Variants in COP1 observed in about 807,000 individuals in gnomAD.
The protein encoded by COP1 is COP1 E3 ubiquitin ligase.
A neutral mutation model predicts 101.3 loss-of-function variants in COP1; 24 were observed. The observed-to-expected ratio is 0.24, with a 90% CI of 0.17 to 0.33. COP1 has a LOEUF of 0.33. COP1 is among the 10% of genes least tolerant of loss of function. The pLI is 1.00. For missense variants in COP1, 663 were observed against 906.2 expected (o/e 0.73, Z 3.45); for synonymous variants, 347 against 341.9 (o/e 1.01, Z -0.17).
At chr1:176,127,015 C>A (rs1045711769) in intron 8 of COP1, among the ~76,000 whole-genome samples, 32 of 152,056 alleles carry the variant, frequency 2.1e-4, no homozygotes, top group African/African-American at 7.0e-4. Context: ...AATATATAAC[C>A]ATGAGAACAG....
chr1:176,051,526 G>A (rs1296654595), intron 11 of COP1, among the ~76,000 whole-genome samples: 1 of 152,088 alleles, frequency 6.6e-6, no homozygotes, highest in Non-Finnish European at 1.5e-5. Flanking sequence ...AATGGTTTGT[G>A]TATTTACTAT....
At position 176,207,017 on chromosome 1, in the gene COP1, G is replaced by A. The variant is rs1700936195; in HGVS notation, c.-39C>T. On this transcript the variant is annotated 5_prime_UTR_variant, in exon 1 of 20. Transcript: ENST00000367669. Reference sequence around the variant, plus strand: ...CCTCCAGCCGGGCGCTCGGAGGAGAGGGACCGCGACCTCGACCCTCCGCCG... The same window carrying A: ...CCTCCAGCCGGGCGCTCGGAGGAGAAGGACCGCGACCTCGACCCTCCGCCG... The A allele has an allele frequency of 5.1e-6, 7 of 1,360,422 alleles. No homozygotes were observed. The highest frequency in any genetic ancestry group is 1.5e-5 in the African/African-American group (1 of 65,486). The allele number at this position is 1,360,422 out of a possible 1,614,324, so 84.3% of individuals were successfully genotyped here. A position where few individuals can be genotyped will look rare whatever the true frequency, so the allele number is the denominator to read the frequency against.
chr1:175,952,823 G>A (rs917359273), intron 18 of COP1, among the ~76,000 whole-genome samples: 4 of 152,260 alleles, frequency 2.6e-5, no homozygotes, highest in African/African-American at 9.6e-5. Flanking sequence ...AGGCTGAAGC[G>A]GGAGGATCTC....
intron 4 of COP1, among the ~76,000 whole-genome samples, chr1:176,163,294 A>C: frequency 6.6e-6 from 1 of 152,192 alleles, no homozygotes; most frequent in East Asian, 1.9e-4. Context: ...CCATATTTTC[A>C]ATTTTGCATG....
At chr1:175,998,289 C>G in intron 15 of COP1, among the ~76,000 whole-genome samples, 1 of 148,220 alleles carries the variant, frequency 6.7e-6, no homozygotes, top group Non-Finnish European at 1.5e-5. Context: ...GGAAGGGGAA[C>G]ATCACACTCT....
chr1:176,144,305 A>G (rs1244497837), intron 6 of COP1, among the ~76,000 whole-genome samples: 2 of 152,174 alleles, frequency 1.3e-5, no homozygotes. Flanking sequence ...ATTTCTACAC[A>G]CTAGCAATAA....
At chr1:176,021,997 A>G (rs1010825009) in intron 15 of COP1, among the ~76,000 whole-genome samples, 1 of 152,208 alleles carries the variant, frequency 6.6e-6, no homozygotes, top group African/African-American at 2.4e-5. Flanking sequence ...AGAAAGATCT[A>G]TAAAATCTCC....
intron 5 of COP1, among the ~76,000 whole-genome samples, chr1:176,151,297 A>C (rs1026511809): frequency 6.8e-6 from 1 of 148,004 alleles, no homozygotes; most frequent in Non-Finnish European, 1.5e-5. Flanking sequence ...AAGGAGAGAA[A>C]GAAAGAAAGG....
intron 8 of COP1, among the ~76,000 whole-genome samples, chr1:176,117,645 A>G (rs932329853): frequency 1.3e-5 from 2 of 152,252 alleles, no homozygotes; most frequent in Non-Finnish European, 2.9e-5. Flanking sequence ...CTGTAATCCC[A>G]GCACTTTGGG....
chr1:176,013,757 T>C (rs1404070369), intron 15 of COP1, among the ~76,000 whole-genome samples: 1 of 152,228 alleles, frequency 6.6e-6, no homozygotes, highest in African/African-American at 2.4e-5. Flanking sequence ...TCACTATTAC[T>C]AACACAGTGT....
At chr1:176,182,279 G>A (rs896341357) in intron 2 of COP1, among the ~76,000 whole-genome samples, 2 of 152,228 alleles carry the variant, frequency 1.3e-5, no homozygotes, top group African/African-American at 4.8e-5. Flanking sequence ...AAGAGGAACA[G>A]GACAGCAGCA....
intron 3 of COP1, among the ~76,000 whole-genome samples, chr1:176,167,273 A>G (rs1183420067): frequency 6.6e-6 from 1 of 152,216 alleles, no homozygotes; most frequent in African/African-American, 2.4e-5. Flanking sequence ...ACTTATTTTA[A>G]AAGCAATGCT....
At chr1:176,079,812 T>G (rs1678765840) in intron 11 of COP1, among the ~76,000 whole-genome samples, 1 of 152,130 alleles carries the variant, frequency 6.6e-6, no homozygotes, top group South Asian at 2.1e-4. Flanking sequence ...TGTGAGGAAT[T>G]AGTCCATTCT....
intron 1 of COP1, among the ~76,000 whole-genome samples, chr1:176,201,841 T>G (rs1302157654): frequency 6.6e-6 from 1 of 152,242 alleles, no homozygotes; most frequent in Non-Finnish European, 1.5e-5. Context: ...GCACATGTAT[T>G]ATAAAGCAAA....
At chr1:176,102,385 A>G (rs999549543) in intron 9 of COP1, among the ~76,000 whole-genome samples, 1 of 152,208 alleles carries the variant, frequency 6.6e-6, no homozygotes, top group Non-Finnish European at 1.5e-5. Flanking sequence ...TTTTGCAACA[A>G]TATCACTACA....
At chr1:175,976,296 T>TTTTTTTTTTTC (rs1553284850) in intron 18 of COP1, among the ~76,000 whole-genome samples, 1 of 137,306 alleles carries the variant, frequency 7.3e-6, no homozygotes, top group Non-Finnish European at 1.5e-5. Flanking sequence ...TTTTTTTTTT[T>TTTTTTTTTTTC]AGACAGAGTC....
At chr1:175,992,395 C>T (rs557847484) in intron 15 of COP1, among the ~76,000 whole-genome samples, 1 of 152,172 alleles carries the variant, frequency 6.6e-6, no homozygotes. Flanking sequence ...ACAGTGGGTG[C>T]AGGAGAGTGG....
chr1:176,072,442 AAGACTGATCCC>A (rs1386832882), intron 11 of COP1, among the ~76,000 whole-genome samples: 1 of 152,222 alleles, frequency 6.6e-6, no homozygotes, highest in African/African-American at 2.4e-5. Context: ...ACTGCTTTAA[AAGACTGATCCC>A]AGGCAAAATT....
chr1:176,206,502 C>T (rs1700867513), intron 1 of COP1, 70 bp downstream of exon 1: 2 of 1,567,206 alleles, frequency 1.3e-6, no homozygotes, highest in Non-Finnish European at 1.7e-6. Context: ...ACACCAGACC[C>T]CCCGCCCCCA....
Sources: allele counts gnomAD v4.1 joint callset (sites outside exome capture counted in the v4.1 genomes callset), GRCh38; gene constraint gnomAD v4.1.1; transcripts MANE v1.5; gene names NCBI Gene and HGNC (gene_info 2026-07-23, HGNC 2026-07-21).